TOPBP1: variants seen among roughly 807,000 people sequenced by gnomAD.
TOPBP1 encodes DNA topoisomerase 2-binding protein 1.
TOPBP1 carries 28 observed loss-of-function variants against 167.7 expected under a neutral mutation model. That is an observed-to-expected ratio of 0.17 (90% CI 0.12 to 0.23). TOPBP1 has a LOEUF of 0.23. TOPBP1 is among the 10% of genes least tolerant of loss of function. The pLI is 1.00. For synonymous variants in TOPBP1, 598 were observed against 611.4 expected, an observed-to-expected ratio of 0.98 and a Z score of 0.32; for missense variants, 1,554 against 1,809.6, an observed-to-expected ratio of 0.86 and a Z score of 2.56.
intron 14 of TOPBP1, among the ~76,000 whole-genome samples, chr3:133,633,218 T>A (rs1192191145): frequency 6.6e-6 from 1 of 152,220 alleles, no homozygotes; most frequent in Admixed American, 6.5e-5. Flanking sequence ...TCTCATTTCT[T>A]TATGAACCCA....
chr3:133,623,998 T>C, intron 17 of TOPBP1, 54 bp downstream of exon 17: 1 of 1,561,746 alleles, frequency 6.4e-7, no homozygotes, highest in Non-Finnish European at 8.7e-7. Flanking sequence ...TCTGAAATAA[T>C]GTTTGTATAC....
intron 20 of TOPBP1, among the ~76,000 whole-genome samples, chr3:133,619,121 AAAAAC>A (rs1934999315): frequency 6.9e-6 from 1 of 145,482 alleles, no homozygotes; most frequent in African/African-American, 2.4e-5. Context: ...CAAAAAAAAA[AAAAAC>A]AAAAAACAAA....
chr3:133,648,892 T>C (rs539518553), intron 10 of TOPBP1, among the ~76,000 whole-genome samples: 12 of 152,320 alleles, frequency 7.9e-5, no homozygotes, highest in African/African-American at 2.9e-4. Context: ...ACACATTAAA[T>C]TTACTTAAAT....
chr3:133,606,867 T>G (rs1934510595), intron 27 of TOPBP1, among the ~76,000 whole-genome samples: 1 of 151,854 alleles, frequency 6.6e-6, no homozygotes, highest in Non-Finnish European at 1.5e-5. Flanking sequence ...TTGTAATAGG[T>G]CATAGAGCTA....
chr3:133,610,182 G>A (rs1395545892), intron 25 of TOPBP1, among the ~76,000 whole-genome samples: 1 of 148,400 alleles, frequency 6.7e-6, no homozygotes, highest in Admixed American at 6.7e-5. Flanking sequence ...ATATCCCTGG[G>A]GTTGCAGCTC....
chr3:133,606,680 T>C (rs1559804633), intron 27 of TOPBP1, among the ~76,000 whole-genome samples: 1 of 152,038 alleles, frequency 6.6e-6, no homozygotes, highest in African/African-American at 2.4e-5. Flanking sequence ...TATCAACAAG[T>C]AGATAATGAA....
chr3:133,608,520 T>G lies in TOPBP1; in HGVS notation c.4425+15A>C. The G allele has an allele frequency of 6.2e-7, 1 of 1,612,792 alleles. No homozygotes were observed. Among genetic ancestry groups the G allele is most frequent in the Non-Finnish European group, 8.5e-7 (1 of 1,179,340 alleles). On this transcript the variant is annotated intron_variant, in intron 27 of 27. Transcript: ENST00000260810. ...TCTCTGGTAATGAGGAGGTCAAGGA[T>G]AGAATCTCACAAACCTGCATGAGAT...
chr3:133,612,478 C>T lies in TOPBP1; in HGVS notation c.3946G>A (p.Glu1316Lys), dbSNP rs1295004358. The T allele has an allele frequency of 6.2e-7, 1 of 1,613,952 alleles. No homozygotes were observed. Among genetic ancestry groups the T allele is most frequent in the Admixed American group, 1.7e-5 (1 of 60,006 alleles). The change falls in exon 24 of 28, where the codon GAG becomes AAG. Residue 1316 changes from glutamate (E) to lysine (K), a missense_variant. Transcript: ENST00000260810. ...GCTGCCACTGAGGCTAAATACTTCTCGTTTCGAAGTGGATGTCCCACAACA... is the reference window on the plus strand; with the variant it reads ...GCTGCCACTGAGGCTAAATACTTCTTGTTTCGAAGTGGATGTCCCACAACA... ...HIVVGHPLRN[E>K]KYLASVAAGK...
intron 23 of TOPBP1, among the ~76,000 whole-genome samples, chr3:133,614,715 T>TA (rs1934802537): frequency 6.6e-6 from 1 of 151,886 alleles, no homozygotes; most frequent in Admixed American, 6.6e-5. Context: ...GGGTAAAGCT[T>TA]AGCAATTCTG....
Position 133,649,520 on chromosome 3 carries a change from T to C in TOPBP1, c.1367A>G (p.His456Arg). The C allele has an allele frequency of 1.2e-6, 2 of 1,613,958 alleles. No individual in the cohort carries two copies. The highest frequency in any genetic ancestry group is 1.1e-5 in the South Asian group (1 of 91,086). ...AAGAGCTGCTTTACTTTCAGGCTTA[T>C]GTGAAACTGGAATTTCCACTGGCTG... ...NYQPVEIPVS[H>R]KPESKAALLK... Residue 456 changes from histidine (H) to arginine (R), a missense_variant, in exon 10 of 28, where the codon CAT (histidine) becomes CGT (arginine). Coordinates refer to ENST00000260810, the MANE Select transcript of TOPBP1 (RefSeq NM_007027.4).
At position 133,611,130 on chromosome 3, in the gene TOPBP1, A is replaced by C; in HGVS notation, c.4047T>G (p.Tyr1349Ter). The change falls in exon 25 of 28, where the codon TAT becomes TAG. Residue 1349 changes from tyrosine (Y) to a stop codon, truncating the protein, a stop_gained. Transcript: ENST00000260810. LOFTEE classifies it high-confidence loss of function. The stretch of plus-strand genomic sequence containing the variant: ...CAAGTATGGAACTACTTCCCCATTC[A>C]TAGTCTTCTTCCTAGAGAATTTGTC... ...TAGHFVQEED[Y>*]EWGSSSILDV... The C allele has an allele frequency of 6.2e-7, 1 of 1,611,126 alleles. No individual in the cohort carries two copies. Among genetic ancestry groups the C allele is most frequent in the Non-Finnish European group, 8.5e-7 (1 of 1,178,304 alleles).
chr3:133,647,240 C>T (rs776983715), intron 10 of TOPBP1, among the ~76,000 whole-genome samples: 9 of 152,176 alleles, frequency 5.9e-5, no homozygotes, highest in Non-Finnish European at 1.2e-4. Flanking sequence ...TCATCAGAGG[C>T]TGGTCCTCAA....
intron 10 of TOPBP1, among the ~76,000 whole-genome samples, chr3:133,649,149 G>A (rs1936190536): frequency 6.6e-6 from 1 of 152,106 alleles, no homozygotes; most frequent in South Asian, 2.1e-4. Context: ...AGCAATGCCT[G>A]TATATATAAC....
At chr3:133,649,212 A>C (rs1003689794) in intron 10 of TOPBP1, among the ~76,000 whole-genome samples, 171 bp downstream of exon 10, 2 of 152,230 alleles carry the variant, frequency 1.3e-5, no homozygotes, top group Admixed American at 6.5e-5. Context: ...TAAAGGGTTC[A>C]GGACCCTCTT....
intron 10 of TOPBP1, among the ~76,000 whole-genome samples, chr3:133,647,269 T>G (rs1461391343): frequency 1.3e-5 from 2 of 152,284 alleles, no homozygotes; most frequent in African/African-American, 4.8e-5. Context: ...TGGGTATAAA[T>G]TCATATAGCT....
chr3:133,650,211 C>T (rs1055777254), intron 8 of TOPBP1, among the ~76,000 whole-genome samples: 1 of 152,182 alleles, frequency 6.6e-6, no homozygotes, highest in African/African-American at 2.4e-5. Context: ...AAGCCAGAGT[C>T]CAACATCTTC....
chr3:133,655,092 C>G (rs889933977), intron 6 of TOPBP1, among the ~76,000 whole-genome samples, 198 bp downstream of exon 6: 3 of 152,122 alleles, frequency 2.0e-5, no homozygotes, highest in African/African-American at 7.2e-5. Context: ...TGTAATCCCG[C>G]TACTCGGGAA....
chr3:133,610,885 TG>T (rs759193804), intron 25 of TOPBP1, 118 bp downstream of exon 25: 13 of 1,137,210 alleles, frequency 1.1e-5, no homozygotes, highest in Non-Finnish European at 1.6e-5. Context: ...ATCAAAAATT[TG>T]GGGAAAAAAG....
chr3:133,642,917 A>AT (rs976458425), intron 12 of TOPBP1, among the ~76,000 whole-genome samples: 5 of 152,130 alleles, frequency 3.3e-5, no homozygotes, highest in Admixed American at 2.0e-4. Flanking sequence ...ACCTTACTTT[A>AT]TTTGGTGTCA....
Sources: allele counts gnomAD v4.1 joint callset (sites outside exome capture counted in the v4.1 genomes callset), GRCh38; gene constraint gnomAD v4.1.1; transcripts MANE v1.5; gene names NCBI Gene and HGNC (gene_info 2026-07-23, HGNC 2026-07-21).